Variants in GLYATL2 observed in about 807,000 individuals in gnomAD.
The protein encoded by GLYATL2 is glycine N-acyltransferase-like protein 2.
GLYATL2 carries 25 observed loss-of-function variants against 21.4 expected under a neutral mutation model. The observed-to-expected ratio is 1.17, with a 90% CI of 0.85 to 1.63. The LOEUF (loss-of-function observed/expected upper bound fraction) is 1.63. Among genes scored for constraint, GLYATL2 ranks in the 40% most tolerant of loss-of-function variants. The pLI is 0.00. For missense variants in GLYATL2, 361 were observed against 343.3 expected (o/e 1.05, Z -0.41); for synonymous variants, 114 against 118.2 (o/e 0.96, Z 0.23).
chr11:58,880,321 T>TGAG (rs763812731), intron 1 of GLYATL2, among the ~76,000 whole-genome samples: 4 of 152,068 alleles, frequency 2.6e-5, no homozygotes, highest in Non-Finnish European at 5.9e-5. Context: ...ATATTAAGTA[T>TGAG]GAGGAGGAGG....
chr11:58,891,156 G>C (rs1195387197), intron 1 of GLYATL2, among the ~76,000 whole-genome samples: 1 of 152,038 alleles, frequency 6.6e-6, no homozygotes, highest in African/African-American at 2.4e-5. Flanking sequence ...ATTCTTGAAG[G>C]TTTCTTTAAA....
intron 1 of GLYATL2, among the ~76,000 whole-genome samples, chr11:58,897,377 A>G (rs1046121514): frequency 6.6e-6 from 1 of 152,134 alleles, no homozygotes; most frequent in Non-Finnish European, 1.5e-5. Context: ...AAATTTTTAT[A>G]TTTTTGTAAT....
At chr11:58,853,549 G>C (rs933269093) in intron 1 of GLYATL2, among the ~76,000 whole-genome samples, 1 of 152,096 alleles carries the variant, frequency 6.6e-6, no homozygotes. Flanking sequence ...GTTTGGGTGG[G>C]CTCTGACACC....
chr11:58,874,395 T>G (rs1325979995), intron 1 of GLYATL2, among the ~76,000 whole-genome samples: 7 of 152,180 alleles, frequency 4.6e-5, no homozygotes, highest in East Asian at 1.9e-4. Flanking sequence ...TGTCAATTTT[T>G]GATCTTTCCT....
Position 58,838,262 on chromosome 11 carries a change from T to C in GLYATL2, c.185A>G (p.Gln62Arg), listed in dbSNP as rs1442780028. ...ATATTCAGTAACTATTGCTCCTACC[T>C]GTTTCTGAGGCCGGGTAATGACGAT... is the stretch of plus-strand genomic sequence containing the variant. Reference protein sequence around the residue: ...YQIVITRPQKQEMKDDQDHYT... With the variant: ...YQIVITRPQKREMKDDQDHYT... The change falls in exon 3 of 6, where the codon CAG becomes CGG. Residue 62 changes from glutamine (Q) to arginine (R), a missense_variant and splice_region_variant. By Grantham distance (43) the Gln-to-Arg change is conservative (BLOSUM62 1). Transcript: ENST00000287275. 3.1e-6 allele frequency: 5 copies of C among 1,600,986 alleles called. No homozygotes were observed. The highest frequency in any genetic ancestry group is 4.3e-6 in the Non-Finnish European group (5 of 1,168,496).
At chr11:58,870,434 T>G (rs561056668) in intron 1 of GLYATL2, among the ~76,000 whole-genome samples, 2 of 152,298 alleles carry the variant, frequency 1.3e-5, no homozygotes, top group South Asian at 4.1e-4. Context: ...TTATATCTCT[T>G]TCTTTGAATG....
intron 1 of GLYATL2, among the ~76,000 whole-genome samples, chr11:58,850,030 T>A (rs1024462488): frequency 1.3e-5 from 2 of 152,086 alleles, no homozygotes; most frequent in African/African-American, 4.8e-5. Context: ...GCAAATATTA[T>A]CCTGATACCA....
In GLYATL2 at chr11:58,868,414, G is replaced by A. The variant is rs149408674; in HGVS notation, n.61-30046C>T. On this transcript the variant is annotated intron_variant and non_coding_transcript_variant, in intron 1 of 4. Transcript: ENST00000533636. ...ATGATTGCTTCCTTAGGTCTCCTGA[G>A]TTCCTGTTTTTCTACACATTGTTAC... 1.9e-4 allele frequency among the ~76,000 whole-genome samples: 28 copies of A among 148,830 alleles called. 1 individual carries two copies. Among genetic ancestry groups the A allele is most frequent in the Non-Finnish European group, 1.2e-4 (8 of 67,068 alleles).
intron 1 of GLYATL2, chr11:58,893,026 C>G (rs1854571969): frequency 2.9e-6 from 1 of 345,622 alleles, no homozygotes; most frequent in Non-Finnish European, 5.6e-6. Flanking sequence ...GGGATCTCTT[C>G]TTTTTGTTTT....
In GLYATL2 at chr11:58,872,131, T is replaced by G. The variant is rs1169085904; in HGVS notation, n.60+32025A>C. 2.0e-5 allele frequency among the ~76,000 whole-genome samples: 3 copies of G among 152,188 alleles called. No homozygotes were observed. The East Asian group carries it at 5.8e-4, about 29-fold the overall frequency. ...CTTCACCCATTTTTTGATGGGGTTG[T>G]TTGTTTGTTTTCTTGTAAATTTGTT... On this transcript the variant is annotated intron_variant and non_coding_transcript_variant, in intron 1 of 4. Coordinates refer to the GLYATL2 transcript ENST00000533636.
At chr11:58,847,736 T>G (rs192973357), upstream of GLYATL2, among the ~76,000 whole-genome samples, 1 of 152,202 alleles carries the variant, frequency 6.6e-6, no homozygotes, top group Non-Finnish European at 1.5e-5. Flanking sequence ...ACAGCACATC[T>G]GTATCTCAGG....
At chr11:58,838,211 A>G (rs1237969965) in intron 3 of GLYATL2, 50 bp downstream of exon 3, 1 of 1,192,152 alleles carries the variant, frequency 8.4e-7, no homozygotes, top group Admixed American at 1.8e-5. Context: ...TGCCATGCAG[A>G]GAACGTCTGG....
chr11:58,884,003 G>A (rs375472501), intron 1 of GLYATL2, among the ~76,000 whole-genome samples: 15 of 152,188 alleles, frequency 9.9e-5, no homozygotes, highest in African/African-American at 3.4e-4. Flanking sequence ...AAAAGCCTTC[G>A]ACAAAATTCA....
intron 1 of GLYATL2, among the ~76,000 whole-genome samples, chr11:58,863,522 C>A (rs1194692713): frequency 3.3e-5 from 5 of 152,190 alleles, no homozygotes; most frequent in Non-Finnish European, 7.3e-5. Flanking sequence ...TGCTAGAGCA[C>A]AGCTGGACCC....
chr11:58,878,126 GT>G (rs1164086385), intron 1 of GLYATL2, among the ~76,000 whole-genome samples: 4 of 152,132 alleles, frequency 2.6e-5, no homozygotes, highest in African/African-American at 9.7e-5. Flanking sequence ...CTATAAATTT[GT>G]TTTGACCACA....
chr11:58,835,981 G>A lies in GLYATL2; in HGVS notation c.476+1034C>T, dbSNP rs76135379. 5.0e-3 allele frequency among the ~76,000 whole-genome samples: 756 copies of A among 152,246 alleles called. 6 individuals are homozygous for A. Among genetic ancestry groups the A allele is most frequent in the African/African-American group, 0.017 (717 of 41,526 alleles). ...CTAAATCAAATGTATCTGTGAGTGT[G>A]TGTTTAAATTCTATTTATTTTTTCA... On this transcript the variant is annotated intron_variant, in intron 5 of 5. Transcript: ENST00000287275.
At chr11:58,885,643 CG>C (rs1309466989) in intron 1 of GLYATL2, 1 of 283,362 alleles carries the variant, frequency 3.5e-6, no homozygotes. Flanking sequence ...TGAAAGGAAA[CG>C]TGAGTATTTT....
At chr11:58,853,732 T>C (rs374153654) in intron 1 of GLYATL2, among the ~76,000 whole-genome samples, 142 of 152,362 alleles carry the variant, frequency 9.3e-4, no homozygotes, top group African/African-American at 3.1e-3. Context: ...GAGTACAACA[T>C]GATGTTTTAA....
intron 1 of GLYATL2, among the ~76,000 whole-genome samples, chr11:58,841,374 C>G (rs1853549721): frequency 1.3e-5 from 2 of 151,638 alleles, no homozygotes; most frequent in Non-Finnish European, 1.5e-5. Context: ...ATTTGAGTCT[C>G]TGCCTCAGTT....
Sources: allele counts gnomAD v4.1 joint callset (sites outside exome capture counted in the v4.1 genomes callset), GRCh38; gene constraint gnomAD v4.1.1; transcripts MANE v1.5; gene names NCBI Gene and HGNC (gene_info 2026-07-23, HGNC 2026-07-21).